Variants in CADM2 observed in about 807,000 individuals in gnomAD.
CADM2 encodes cell adhesion molecule 2.
CADM2 carries 12 observed loss-of-function variants against 49.8 expected under a neutral mutation model. That is an observed-to-expected ratio of 0.24 (90% CI 0.15 to 0.39). The LOEUF (loss-of-function observed/expected upper bound fraction) is 0.39, where lower values mean the gene tolerates loss of function less well. CADM2 is among the 10% of genes least tolerant of loss of function. The probability of loss-of-function intolerance (pLI) is 1.00; values close to 1 mark genes in which losing one functional copy is unlikely to be tolerated. For missense variants in CADM2, 378 were observed against 492.3 expected (o/e 0.77, Z 2.20); for synonymous variants, 214 against 175.4 (o/e 1.22, Z -1.74).
chr3:85,545,911 A>C (rs2061660748), intron 1 of CADM2, among the ~76,000 whole-genome samples: 2 of 152,230 alleles, frequency 1.3e-5, no homozygotes, highest in African/African-American at 4.8e-5. Flanking sequence ...GTATGAGAGC[A>C]TATAGATTAA....
At chr3:85,743,625 A>T (rs1420759551) in intron 2 of CADM2, among the ~76,000 whole-genome samples, 1 of 152,078 alleles carries the variant, frequency 6.6e-6, no homozygotes, top group Non-Finnish European at 1.5e-5. Context: ...GATCCCAGTA[A>T]AAAAAAGAAT....
chr3:85,962,120 T>G (rs1421544887), intron 8 of CADM2, among the ~76,000 whole-genome samples: 1 of 151,812 alleles, frequency 6.6e-6, no homozygotes, highest in Non-Finnish European at 1.5e-5. Context: ...GCTTTCGCCA[T>G]GTTCACCAGG....
chr3:85,642,271 T>G (rs2064744592), intron 1 of CADM2, among the ~76,000 whole-genome samples: 1 of 152,036 alleles, frequency 6.6e-6, no homozygotes, highest in Admixed American at 6.6e-5. Context: ...AAACCAAATT[T>G]GACACGATGA....
intron 1 of CADM2, among the ~76,000 whole-genome samples, chr3:85,643,925 G>T (rs908850919): frequency 1.3e-5 from 2 of 152,042 alleles, no homozygotes; most frequent in African/African-American, 2.4e-5. Flanking sequence ...CAGCTACATT[G>T]GGGGTTAGGG....
At chr3:85,908,646 C>T (rs568784597) in intron 5 of CADM2, among the ~76,000 whole-genome samples, 4 of 151,914 alleles carry the variant, frequency 2.6e-5, no homozygotes, top group African/African-American at 9.6e-5. Context: ...TTAAATGTAT[C>T]GACATTCAGC....
intron 8 of CADM2, among the ~76,000 whole-genome samples, chr3:86,004,562 A>G (rs899272286): frequency 3.3e-5 from 5 of 152,196 alleles, no homozygotes; most frequent in African/African-American, 9.6e-5. Context: ...TCAAGAATTA[A>G]ATATTTAACA....
chr3:85,843,357 T>TTC (rs1207506291), intron 3 of CADM2, among the ~76,000 whole-genome samples: 3 of 151,626 alleles, frequency 2.0e-5, no homozygotes, highest in Admixed American at 1.3e-4. Context: ...AATACGGTCT[T>TTC]TCTCTCTCTC....
intron 1 of CADM2, among the ~76,000 whole-genome samples, chr3:85,151,761 A>G (rs2039930079): frequency 6.6e-6 from 1 of 152,172 alleles, no homozygotes; most frequent in Non-Finnish European, 1.5e-5. Context: ...GTGAGGTCAA[A>G]GGTAGATTGA....
chr3:85,765,868 G>C (rs1196689478), intron 2 of CADM2, among the ~76,000 whole-genome samples: 3 of 152,040 alleles, frequency 2.0e-5, no homozygotes, highest in Non-Finnish European at 2.9e-5. Flanking sequence ...CCACGAATGA[G>C]GAAATTTTAT....
chr3:86,019,594 A>C (rs1193842839), intron 8 of CADM2, among the ~76,000 whole-genome samples: 2 of 150,654 alleles, frequency 1.3e-5, no homozygotes, highest in African/African-American at 4.9e-5. Context: ...GGTCCTTCAC[A>C]TCCCTTGTAA....
intron 1 of CADM2, among the ~76,000 whole-genome samples, chr3:85,597,231 C>T (rs1040714004): frequency 1.3e-5 from 2 of 152,052 alleles, no homozygotes; most frequent in African/African-American, 2.4e-5. Flanking sequence ...AGTAAGTACA[C>T]GTAAGAAGCT....
rs145367137 is a variant in CADM2 at position 85,012,358 on chromosome 3, T to A, written c.61+52690T>A. Among the ~76,000 whole-genome samples the A allele has an allele frequency of 1.1e-4, 17 of 151,520 alleles. No homozygotes were observed. The East Asian group carries it at 3.3e-3, about 29-fold the overall frequency. Reference sequence around the variant, plus strand: ...CTTAGCACTTAAAATGCTGTGTAAATGCTGCATTTCCAATACAGCCTAATG... The same window carrying A: ...CTTAGCACTTAAAATGCTGTGTAAAAGCTGCATTTCCAATACAGCCTAATG... On this transcript the variant is annotated intron_variant, in intron 1 of 9. Coordinates refer to ENST00000383699, the MANE Select transcript of CADM2 (RefSeq NM_001167675.2).
chr3:85,590,241 A>G (rs1306219219), intron 1 of CADM2, among the ~76,000 whole-genome samples: 1 of 151,998 alleles, frequency 6.6e-6, no homozygotes, highest in Non-Finnish European at 1.5e-5. Context: ...TAAAACTTAT[A>G]CAGAAGTGGC....
chr3:85,422,641 G>A (rs571416554), intron 1 of CADM2, among the ~76,000 whole-genome samples: 1 of 152,204 alleles, frequency 6.6e-6, no homozygotes, highest in East Asian at 1.9e-4. Context: ...AAGTTTAATA[G>A]AATTGTTCAT....
At chr3:85,350,788 T>G (rs2107235919) in intron 1 of CADM2, among the ~76,000 whole-genome samples, 1 of 152,138 alleles carries the variant, frequency 6.6e-6, no homozygotes, top group Admixed American at 6.6e-5. Flanking sequence ...GATGGGGAAA[T>G]ATGTAATTCT....
intron 1 of CADM2, among the ~76,000 whole-genome samples, chr3:85,076,064 CA>C (rs57738865): frequency 0.061 from 8,405 of 137,256 alleles, 259 homozygotes; most frequent in African/African-American, 0.09. Context: ...TCTGCAACTT[CA>C]AAAAAAAAAA....
At chr3:85,258,031 T>C (rs953606536) in intron 1 of CADM2, among the ~76,000 whole-genome samples, 3 of 152,060 alleles carry the variant, frequency 2.0e-5, no homozygotes, top group African/African-American at 7.2e-5. Flanking sequence ...CAAATGTATG[T>C]GGAAATGTAC....
chr3:85,942,460 A>C (rs1260049316), intron 7 of CADM2, among the ~76,000 whole-genome samples: 2 of 149,922 alleles, frequency 1.3e-5, no homozygotes, highest in Admixed American at 1.3e-4. Context: ...CATTAGGTAT[A>C]TCTCCCAGTG....
chr3:85,818,607 C>T (rs1370686053), intron 3 of CADM2, among the ~76,000 whole-genome samples: 1 of 152,112 alleles, frequency 6.6e-6, no homozygotes, highest in African/African-American at 2.4e-5. Context: ...TCTGTATTAT[C>T]TATAAATAAT....
Sources: gnomAD v4.1 joint callset for allele counts (sites outside exome capture counted in the v4.1 genomes callset) on GRCh38, gnomAD v4.1.1 for gene constraint, MANE v1.5 for transcripts, NCBI Gene and HGNC (gene_info 2026-07-23, HGNC 2026-07-21) for gene names.